The following KARS1 variants were observed in gnomAD, a reference collection of about 807,000 sequenced individuals.
KARS1 encodes the protein lysyl-tRNA synthetase 1, also known as lysine--tRNA ligase.
In KARS1, 50 loss-of-function variants were observed where a neutral mutation model predicts 63.9. The observed-to-expected ratio is 0.78, with a 90% CI of 0.62 to 0.99. The LOEUF is 0.99. Among genes scored for constraint, KARS1 ranks in the 50% least tolerant of loss-of-function variants. The pLI is 0.00. For synonymous variants in KARS1, 320 were observed against 264.6 expected, an observed-to-expected ratio of 1.21 and a Z score of -2.03; for missense variants, 816 against 754.5, an observed-to-expected ratio of 1.08 and a Z score of -0.95.
At chr16:75,647,200 T>A (rs2082296576) in intron 1 of KARS1, among the ~76,000 whole-genome samples, 2 of 152,200 alleles carry the variant, frequency 1.3e-5, no homozygotes, top group Non-Finnish European at 2.9e-5. Context: ...ATTTAACATT[T>A]CTCCAACTTC....
intron 1 of KARS1, among the ~76,000 whole-genome samples, chr16:75,643,947 G>A (rs1443443856): frequency 6.6e-6 from 1 of 152,170 alleles, no homozygotes; most frequent in African/African-American, 2.4e-5. Context: ...CCTAGGGATA[G>A]CACTAAGACT....
At chr16:75,637,161 T>C (rs11866252) in intron 3 of KARS1, among the ~76,000 whole-genome samples, 20,440 of 151,688 alleles carry the variant, frequency 0.13, 3,005 homozygotes, top group African/African-American at 0.37. Flanking sequence ...AATCCTCACA[T>C]AAAAATAGAA....
intron 12 of KARS1, 190 bp from the exon 13 acceptor site, chr16:75,628,902 G>A: frequency 1.5e-6 from 1 of 662,748 alleles, no homozygotes; most frequent in South Asian, 1.7e-5. Context: ...CTGGAGGTCA[G>A]GACTGATGAA....
chr16:75,647,021 T>C (rs1331471081), intron 1 of KARS1, among the ~76,000 whole-genome samples: 2 of 152,220 alleles, frequency 1.3e-5, no homozygotes, highest in East Asian at 1.9e-4. Flanking sequence ...TGAATTAAGA[T>C]GGTCTCTACT....
In KARS1 at chr16:75,632,271, T is replaced by C. The variant is rs541990960; in HGVS notation, c.916-416A>G. Among the ~76,000 whole-genome samples, 157 of 152,376 alleles carry C rather than the reference T, an allele frequency of 1.0e-3. 1 individual carries two copies. Among genetic ancestry groups the C allele is most frequent in the African/African-American group, 3.7e-3 (152 of 41,592 alleles). The stretch of plus-strand genomic sequence containing the variant: ...TAACTTGGTTTTCACAGGTTAGGTA[T>C]ACTCTCAGGTCTCTGGTCAAATTGC... On this transcript the variant is annotated intron_variant, in intron 7 of 13. Transcript: ENST00000302445.
rs11557665 is a variant in KARS1 at position 75,636,045 on chromosome 16, C to T, written c.536G>A (p.Gly179Glu). ...ATTCCCCTGAACTCCAATTATGTCTCCCCGACGCAGTTTGTTATTAATATG... is the reference window on the plus strand; with the variant it reads ...ATTCCCCTGAACTCCAATTATGTCTTCCCGACGCAGTTTGTTATTAATATG... ...FIHINNKLRR[G>E]DIIGVQGNPG... is the part of the protein sequence containing the mutation. The change falls in exon 5 of 14, where the codon GGA becomes GAA. Residue 179 changes from glycine to glutamate, a missense_variant. Gly to Glu is a moderately conservative substitution (Grantham distance 98). Coordinates refer to ENST00000302445, the MANE Select transcript of KARS1 (RefSeq NM_005548.3). The T allele has an allele frequency of 1.5e-5, 24 of 1,608,640 alleles. No homozygotes were observed. Among genetic ancestry groups the T allele is most frequent in the Non-Finnish European group, 2.0e-5 (24 of 1,175,130 alleles).
chr16:75,642,578 T>G (rs1403975065), intron 1 of KARS1, among the ~76,000 whole-genome samples: 3 of 150,850 alleles, frequency 2.0e-5, no homozygotes, highest in African/African-American at 4.9e-5. Flanking sequence ...CCCCTAAGAG[T>G]GAGTTAGGAT....
chr16:75,639,924 T>G, intron 3 of KARS1: 1 of 506,546 alleles, frequency 2.0e-6, no homozygotes, highest in Non-Finnish European at 3.5e-6. Flanking sequence ...CTGAGACTTC[T>G]ACCGCTGATT....
rs1277246391 is a variant in KARS1, at chr16:75,631,531, C to T, written c.1137G>A (p.Glu379=). Residue 379 remains glutamate, a synonymous_variant, in exon 9 of 14, where the codon GAG becomes GAA. Transcript: ENST00000302445. ...YKVTYHPDGP[E]GQAYDVDFTP... is the part of the protein sequence containing the mutation. Reference sequence around the variant, plus strand: ...TGAAGTCAACATCGTAGGCTTGGCCCTCTGGGCCATCTGGGTGGTAGGTGA... The same window carrying T: ...TGAAGTCAACATCGTAGGCTTGGCCTTCTGGGCCATCTGGGTGGTAGGTGA... 6.2e-7 allele frequency: 1 copy of T among 1,614,142 alleles called. No homozygotes were observed. Among genetic ancestry groups the T allele is most frequent in the East Asian group, 2.2e-5 (1 of 44,874 alleles).
In KARS1 at chr16:75,627,924, C is replaced by T; in HGVS notation, c.1765G>A (p.Glu589Lys). The T allele has an allele frequency of 1.2e-6, 2 of 1,607,590 alleles. No homozygotes were observed. Among genetic ancestry groups the T allele is most frequent in the Non-Finnish European group, 8.5e-7 (1 of 1,174,148 alleles). The stretch of plus-strand genomic sequence containing the variant: ...ACAGAAGTGCCAACTGTTGTGCTTT[C>T]CAGTGTATCAGTGGTTGCTACATTC... Reference protein sequence around the residue: ...KENVATTDTLESTTVGTSV With the variant: ...KENVATTDTLKSTTVGTSV The change falls in exon 14 of 14, where the codon GAA becomes AAA. Residue 589 changes from glutamate to lysine, a missense_variant. Physicochemically the swap from Glu to Lys is moderately conservative, Grantham distance 56. Coordinates refer to ENST00000302445, the MANE Select transcript of KARS1 (RefSeq NM_005548.3).
intron 1 of KARS1, among the ~76,000 whole-genome samples, chr16:75,644,957 G>A (rs116584059): frequency 6.6e-6 from 1 of 152,214 alleles, no homozygotes; most frequent in Non-Finnish European, 1.5e-5. Flanking sequence ...AGGAACAAGG[G>A]GAAAGGAGAA....
intron 3 of KARS1, among the ~76,000 whole-genome samples, chr16:75,639,166 C>T (rs2082195606): frequency 6.6e-6 from 1 of 150,582 alleles, no homozygotes; most frequent in South Asian, 2.1e-4. Flanking sequence ...AAGACTTCGC[C>T]TCAAAAAAAT....
chr16:75,628,584 G>A lies in KARS1; in HGVS notation c.1680C>T (p.Asp560=). 1.2e-6 allele frequency: 2 copies of A among 1,613,974 alleles called. No homozygotes were observed. The highest frequency in any genetic ancestry group is 1.1e-5 in the South Asian group (1 of 91,076). The part of the protein sequence containing the change: ...GIDRVAMFLT[D]SNNIKEVLLF... ...TGCTACGTACCTTGATGTTGTTGGA[G>A]TCCGTGAGAAACATGGCGACTCGAT... Residue 560 remains aspartate, a synonymous_variant, in exon 13 of 14, where the codon GAC becomes GAT. Coordinates refer to ENST00000302445, the MANE Select transcript of KARS1 (RefSeq NM_005548.3).
In KARS1 at chr16:75,635,955, C is replaced by G; in HGVS notation, c.626G>C (p.Cys209Ser). 2.5e-6 allele frequency: 4 copies of G among 1,614,194 alleles called. No homozygotes were observed. The highest frequency in any genetic ancestry group is 3.4e-6 in the Non-Finnish European group (4 of 1,180,024). Residue 209 changes from cysteine to serine, a missense_variant, in exon 5 of 14, where the codon TGT becomes TCT. By Grantham distance (112) the Cys-to-Ser change is moderately radical. Coordinates refer to ENST00000302445, the MANE Select transcript of KARS1 (RefSeq NM_005548.3). ...IPYEITLLSP[C>S]LHMLPHLHFG... ...GTGAAGATGAGGTAACATATGCAAA[C>G]AGGGAGACAGCAGTGTGATCTCATA... is the stretch of plus-strand genomic sequence containing the variant.
intron 3 of KARS1, among the ~76,000 whole-genome samples, chr16:75,636,943 A>AT (rs869266336): frequency 1.6e-3 from 180 of 116,046 alleles, no homozygotes; most frequent in Middle Eastern, 4.2e-3. Flanking sequence ...CCCGGCCTGC[A>AT]TTTTTTTTTT....
chr16:75,640,619 G>T (rs2082213924), intron 2 of KARS1, among the ~76,000 whole-genome samples: 1 of 152,174 alleles, frequency 6.6e-6, no homozygotes, highest in South Asian at 2.1e-4. Flanking sequence ...ATTTTTAATT[G>T]GTACAGGTGG....
chr16:75,635,827 G>A (rs768730599), intron 5 of KARS1, 22 bp from the exon 6 acceptor site: 2 of 1,614,212 alleles, frequency 1.2e-6, no homozygotes, highest in South Asian at 2.2e-5. Flanking sequence ...GCAGCAGTTA[G>A]AAATCACTGG....
At chr16:75,636,227 G>C in intron 4 of KARS1, 129 bp from the exon 5 acceptor site, 2 of 720,466 alleles carry the variant, frequency 2.8e-6, no homozygotes, top group South Asian at 3.2e-5. Context: ...TCAGATTCAG[G>C]GGCCACTATT....
At chr16:75,628,858 G>T (rs1316540193) in intron 12 of KARS1, 146 bp from the exon 13 acceptor site, 1 of 841,132 alleles carries the variant, frequency 1.2e-6, no homozygotes, top group Non-Finnish European at 2.0e-6. Flanking sequence ...TCATTTCCTA[G>T]TAACTCCAAG....
Sources: allele counts gnomAD v4.1 joint callset (sites outside exome capture counted in the v4.1 genomes callset), GRCh38; gene constraint gnomAD v4.1.1; transcripts MANE v1.5; gene names NCBI Gene and HGNC (gene_info 2026-07-23, HGNC 2026-07-21).